DCLK1: variants seen among roughly 807,000 people sequenced by gnomAD.
DCLK1 encodes the protein doublecortin like kinase 1, also known as serine/threonine-protein kinase DCLK1.
Under a neutral mutation model 86.2 loss-of-function variants are expected in DCLK1, and 16 were observed. The ratio of observed to expected loss-of-function variants is 0.19; its 90% CI spans 0.13 to 0.28. The LOEUF (loss-of-function observed/expected upper bound fraction) is 0.28, where lower values mean the gene tolerates loss of function less well. Among genes scored for constraint, DCLK1 ranks in the 10% least tolerant of loss-of-function variants. The probability of loss-of-function intolerance (pLI) is 1.00; values close to 1 mark genes in which losing one functional copy is unlikely to be tolerated. For synonymous variants in DCLK1, 369 were observed against 370.5 expected (o/e 1.00, Z 0.05); for missense variants, 590 against 940.2 (o/e 0.63, Z 4.87).
chr13:36,101,741 AT>A (rs57153182), intron 3 of DCLK1, among the ~76,000 whole-genome samples: 1,786 of 149,242 alleles, frequency 0.012, 27 homozygotes, highest in African/African-American at 0.041. Flanking sequence ...TATTTATTTA[AT>A]TTTTTTTTTC....
rs533959185 is a variant in DCLK1, at chr13:35,850,826, C to T, written c.1035+3673G>A. ...TTTGTTTACTCGGCTTTCTTGGGTG[C>T]CCTGTGGCTCTCGTGAGAGCAGCAC... On this transcript the variant is annotated intron_variant, in intron 6 of 16. Coordinates refer to ENST00000360631, the MANE Select transcript of DCLK1 (RefSeq NM_001330071.2). The T allele has an allele frequency of 2.0e-5, 31 of 1,524,410 alleles. No homozygotes were observed. In the South Asian group the frequency reaches 3.7e-4, roughly 18 times the overall value. 94.4% of individuals were successfully genotyped at this position (1,524,410 alleles called of 1,614,324 possible).
intron 3 of DCLK1, among the ~76,000 whole-genome samples, chr13:36,026,278 G>A (rs1882032143): frequency 6.6e-6 from 1 of 152,098 alleles, no homozygotes; most frequent in Non-Finnish European, 1.5e-5. Flanking sequence ...AGTGAATATT[G>A]AAAGATGGCC....
chr13:35,862,054 AAAG>A (rs1173490487), intron 5 of DCLK1, among the ~76,000 whole-genome samples: 1 of 150,516 alleles, frequency 6.6e-6, no homozygotes, highest in Non-Finnish European at 1.5e-5. Flanking sequence ...AAAAAAAAAA[AAAG>A]AAATGCAGAC....
chr13:35,950,597 T>C (rs192745945), intron 3 of DCLK1, among the ~76,000 whole-genome samples: 19 of 152,362 alleles, frequency 1.2e-4, no homozygotes, highest in African/African-American at 4.1e-4. Context: ...AACATGCTTC[T>C]TGTTACAAAG....
intron 4 of DCLK1, among the ~76,000 whole-genome samples, chr13:35,885,593 AAATAAGCACAATCACAGAGGCCAGGAAAC>A (rs1873179455): frequency 6.6e-6 from 1 of 152,194 alleles, no homozygotes; most frequent in African/African-American, 2.4e-5. Flanking sequence ...TACTTTCAAG[AAATAAGCACAATCACAGAGGCCAGGAAAC>A]TTAGCTGTTT....
chr13:36,114,650 A>G lies in DCLK1; in HGVS notation c.377-2435T>C, dbSNP rs187862153. ...ATTTCCATTAAATCTTTTTAAATCT[A>G]TGTATTAACTATTTTTACAGTAATC... On this transcript the variant is annotated intron_variant, in intron 2 of 16. Transcript: ENST00000360631. Among the ~76,000 whole-genome samples the G allele has an allele frequency of 2.1e-3, 317 of 152,338 alleles. 2 individuals are homozygous for G. Among genetic ancestry groups the G allele is most frequent in the African/African-American group, 7.4e-3 (309 of 41,578 alleles).
At chr13:36,100,603 G>C (rs960476867) in intron 3 of DCLK1, among the ~76,000 whole-genome samples, 2 of 152,120 alleles carry the variant, frequency 1.3e-5, no homozygotes, top group East Asian at 1.9e-4. Flanking sequence ...CCCTAATTTA[G>C]AGCTATAACC....
At chr13:36,120,960 G>A (rs540862970) in intron 2 of DCLK1, among the ~76,000 whole-genome samples, 1 of 152,234 alleles carries the variant, frequency 6.6e-6, no homozygotes, top group Non-Finnish European at 1.5e-5. Context: ...TGCAAATAGT[G>A]CTTAAAACTT....
At chr13:35,972,262 G>A (rs933138701) in intron 3 of DCLK1, among the ~76,000 whole-genome samples, 1 of 151,966 alleles carries the variant, frequency 6.6e-6, no homozygotes, top group Non-Finnish European at 1.5e-5. Flanking sequence ...CATTTGACAG[G>A]TAGCCTTTAT....
chr13:36,040,752 C>G (rs1385881146), intron 3 of DCLK1, among the ~76,000 whole-genome samples: 3 of 152,032 alleles, frequency 2.0e-5, no homozygotes, highest in African/African-American at 7.2e-5. Flanking sequence ...TCTCCTCCCC[C>G]ACTTACTACC....
At chr13:35,866,383 T>C (rs1871788345) in intron 5 of DCLK1, among the ~76,000 whole-genome samples, 2 of 152,132 alleles carry the variant, frequency 1.3e-5, no homozygotes, top group East Asian at 1.9e-4. Flanking sequence ...ATACTGGAAG[T>C]AGAAATTTAA....
intron 4 of DCLK1, among the ~76,000 whole-genome samples, chr13:35,884,201 G>A (rs75576898): frequency 6.6e-6 from 1 of 151,078 alleles, no homozygotes; most frequent in Non-Finnish European, 1.5e-5. Context: ...TGTGCCACTT[G>A]GAAAAAAAAA....
intron 3 of DCLK1, among the ~76,000 whole-genome samples, chr13:36,045,810 G>A (rs1045805109): frequency 2.0e-5 from 3 of 151,208 alleles, no homozygotes; most frequent in Non-Finnish European, 2.9e-5. Context: ...CTGAGATAGC[G>A]CCACTGTACC....
At chr13:35,921,071 C>G (rs886546649) in intron 4 of DCLK1, among the ~76,000 whole-genome samples, 1 of 152,124 alleles carries the variant, frequency 6.6e-6, no homozygotes, top group Non-Finnish European at 1.5e-5. Context: ...ACCCCTGGGT[C>G]CCTCCAATCC....
chr13:36,102,319 T>C (rs1466978265), intron 3 of DCLK1, among the ~76,000 whole-genome samples: 2 of 152,020 alleles, frequency 1.3e-5, no homozygotes, highest in African/African-American at 2.4e-5. Context: ...GTCTTCCAAG[T>C]AGAGAAAAAG....
At chr13:35,879,465 C>G (rs967937511) in intron 4 of DCLK1, among the ~76,000 whole-genome samples, 1 of 152,316 alleles carries the variant, frequency 6.6e-6, no homozygotes, top group African/African-American at 2.4e-5. Flanking sequence ...GAATGATTCT[C>G]CTTTCCAAAC....
At chr13:35,843,142 G>T (rs545876483) in intron 6 of DCLK1, among the ~76,000 whole-genome samples, 2 of 152,222 alleles carry the variant, frequency 1.3e-5, no homozygotes, top group Non-Finnish European at 1.5e-5. Context: ...GTTTTTCTGA[G>T]CAGATAAACC....
At chr13:35,869,132 T>C (rs1253163313) in intron 5 of DCLK1, 2 of 511,498 alleles carry the variant, frequency 3.9e-6, no homozygotes, top group African/African-American at 3.9e-5. Flanking sequence ...AAATGTTTTT[T>C]AGTTAAGACT....
rs544003851 is a variant in DCLK1 at position 36,076,852 on chromosome 13, G to A, written c.723+35017C>T. Among the ~76,000 whole-genome samples, 8 of 152,208 alleles carry A rather than the reference G, an allele frequency of 5.3e-5. 1 individual carries two copies. The highest frequency in any genetic ancestry group is 1.4e-4 in the African/African-American group (6 of 41,522). ...CCAAATGTTTGAAGATGGACATTCT[G>A]TCCAAAAAAGAATAATGGGCCAAAA... On this transcript the variant is annotated intron_variant, in intron 3 of 16. Coordinates refer to ENST00000360631, the MANE Select transcript of DCLK1 (RefSeq NM_001330071.2).
Sources: allele counts gnomAD v4.1 joint callset (sites outside exome capture counted in the v4.1 genomes callset), GRCh38; gene constraint gnomAD v4.1.1; transcripts MANE v1.5; gene names NCBI Gene and HGNC (gene_info 2026-07-23, HGNC 2026-07-21).